The following UNC5A variants were observed in gnomAD, a reference collection of about 807,000 sequenced individuals.
The protein encoded by UNC5A is unc-5 netrin receptor A, also known as netrin receptor UNC5A.
A neutral mutation model predicts 87.4 loss-of-function variants in UNC5A; 20 were observed. The observed-to-expected ratio is 0.23, with a 90% confidence interval of 0.16 to 0.33. The LOEUF (loss-of-function observed/expected upper bound fraction) is 0.33, where lower values mean the gene tolerates loss of function less well. UNC5A is among the 10% of genes least tolerant of loss of function. The pLI is 1.00. For synonymous variants in UNC5A, 438 were observed against 482.3 expected (o/e 0.91, Z 1.20); for missense variants, 844 against 1,133.4 (o/e 0.74, Z 3.67).
Position 176,853,526 on chromosome 5 carries a change from T to C in UNC5A, c.71-9098T>C, listed in dbSNP as rs184455089. 9.2e-5 allele frequency among the ~76,000 whole-genome samples: 14 copies of C among 152,302 alleles called. No homozygotes were observed. In the East Asian group the frequency reaches 1.7e-3, roughly 19 times the overall value. On this transcript the variant is annotated intron_variant, in intron 1 of 14. Coordinates refer to ENST00000329542, the MANE Select transcript of UNC5A (RefSeq NM_133369.3). ...GAGCCCACTGGGGAAGAGGGTGACT[T>C]TCCTCCGATCTCGGGGAGGTGGCTG...
chr5:176,842,492 G>GAGAT lies in UNC5A; in HGVS notation c.71-20131_71-20130insGATA, dbSNP rs936609501. 9.6e-5 allele frequency among the ~76,000 whole-genome samples: 14 copies of GAGAT among 145,572 alleles called. 1 individual carries two copies. Among genetic ancestry groups the GAGAT allele is most frequent in the African/African-American group, 3.2e-4 (12 of 37,662 alleles). On this transcript the variant is annotated intron_variant, in intron 1 of 14. Coordinates refer to ENST00000329542, the MANE Select transcript of UNC5A (RefSeq NM_133369.3). ...GTCAATCAACAAATGGAGAAACTGT[G>GAGAT]ATATATATATATATATATGATGGAA... is the stretch of plus-strand genomic sequence containing the variant.
Position 176,877,713 on chromosome 5 carries a change from G to A in UNC5A, c.1635+10G>A. ...CGAGGGCAGCTGGGAGGTGAGCAGG[G>A]AACTGACCCGGGCTCCAGAAGGGAA... On this transcript the variant is annotated intron_variant, in intron 10 of 14. Transcript: ENST00000329542. The A allele has an allele frequency of 6.3e-7, 1 of 1,584,550 alleles. No individual in the cohort carries two copies. The highest frequency in any genetic ancestry group is 1.7e-5 in the Admixed American group (1 of 58,008).
intron 1 of UNC5A, among the ~76,000 whole-genome samples, chr5:176,819,776 T>C (rs1756683709): frequency 6.6e-6 from 1 of 152,338 alleles, no homozygotes; most frequent in Middle Eastern, 3.4e-3. Context: ...CATTGTCCTG[T>C]TGTTACCCAG....
intron 1 of UNC5A, among the ~76,000 whole-genome samples, chr5:176,858,166 G>A (rs1019991331): frequency 2.0e-5 from 3 of 152,242 alleles, no homozygotes; most frequent in African/African-American, 7.2e-5. Flanking sequence ...TGCACAGTCT[G>A]GGGGTGGGGA....
At position 176,866,915 on chromosome 5, in the gene UNC5A, C is replaced by T. The variant is rs917814282; in HGVS notation, c.293-1215C>T. 4.6e-5 allele frequency among the ~76,000 whole-genome samples: 7 copies of T among 152,068 alleles called. No homozygotes were observed. The highest frequency in any genetic ancestry group is 1.4e-4 in the African/African-American group (6 of 41,382). ...TCTGCCATCTCCTATGATAGCTGGC[C>T]GGCGACAGGGACAAAGTGATAGAAA... is the stretch of plus-strand genomic sequence containing the variant. On this transcript the variant is annotated intron_variant, in intron 2 of 14. Coordinates refer to ENST00000329542, the MANE Select transcript of UNC5A (RefSeq NM_133369.3). This position sits in a 1 kb window ranked among gnomAD's most constrained non-coding sequence, Gnocchi z 5.0.
At chr5:176,825,349 A>G (rs1561641082) in intron 1 of UNC5A, among the ~76,000 whole-genome samples, 1 of 151,990 alleles carries the variant, frequency 6.6e-6, no homozygotes. Context: ...TTTGAGCAGG[A>G]GGGGAGGCAG....
chr5:176,850,191 T>C (rs1435198974), intron 1 of UNC5A, among the ~76,000 whole-genome samples: 2 of 152,100 alleles, frequency 1.3e-5, no homozygotes, highest in Non-Finnish European at 2.9e-5. Flanking sequence ...GTAGGTGGGG[T>C]GCCCTGCAGG....
chr5:176,837,782 T>C (rs769280895), intron 1 of UNC5A, among the ~76,000 whole-genome samples: 30 of 151,668 alleles, frequency 2.0e-4, no homozygotes, highest in Non-Finnish European at 3.4e-4. Context: ...TTCAGCACCG[T>C]GGACAGCCCC....
intron 1 of UNC5A, among the ~76,000 whole-genome samples, chr5:176,830,635 C>T (rs11747931): frequency 0.85 from 102,970 of 121,718 alleles, 44,697 homozygotes; most frequent in Non-Finnish European, 0.95. Flanking sequence ...TGTGTGTGTG[C>T]GCTGGCGTGT....
At chr5:176,834,830 G>C (rs1486586170) in intron 1 of UNC5A, among the ~76,000 whole-genome samples, 1 of 152,108 alleles carries the variant, frequency 6.6e-6, no homozygotes, top group Non-Finnish European at 1.5e-5. Flanking sequence ...GGTGCTAGGA[G>C]ATGGTGTCCC....
chr5:176,872,616 C>T (rs1270663991), intron 6 of UNC5A, among the ~76,000 whole-genome samples: 1 of 142,766 alleles, frequency 7.0e-6, no homozygotes, highest in Non-Finnish European at 1.5e-5. Context: ...TCTGTCCACG[C>T]TCACCAACAC....
intron 1 of UNC5A, among the ~76,000 whole-genome samples, chr5:176,851,685 G>A (rs1757547319): frequency 2.6e-5 from 4 of 152,212 alleles, no homozygotes; most frequent in Admixed American, 2.6e-4. Context: ...AGAGGGGAGG[G>A]GAGCATGGGG....
At chr5:176,819,506 A>G (rs569079086) in intron 1 of UNC5A, among the ~76,000 whole-genome samples, 1 of 152,214 alleles carries the variant, frequency 6.6e-6, no homozygotes, top group South Asian at 2.1e-4. Context: ...GCTCTTGGGG[A>G]TTCGGCACCA....
chr5:176,848,617 G>T lies in UNC5A; in HGVS notation c.71-14007G>T, dbSNP rs1272764605. 6.6e-6 allele frequency among the ~76,000 whole-genome samples: 1 copy of T among 152,168 alleles called. No individual in the cohort carries two copies. The highest frequency in any genetic ancestry group is 1.5e-5 in the Non-Finnish European group (1 of 68,036). Reference sequence around the variant, plus strand: ...CCAGACACCCTATTCCCAGATGGAAGGTGGCAGCAGGGCCCAGGCTCCTTC... The same window carrying T: ...CCAGACACCCTATTCCCAGATGGAATGTGGCAGCAGGGCCCAGGCTCCTTC... On this transcript the variant is annotated intron_variant, in intron 1 of 14. Transcript: ENST00000329542. The surrounding 1 kb of genome is among the most constrained non-coding windows in gnomAD (Gnocchi z 5.8).
intron 1 of UNC5A, among the ~76,000 whole-genome samples, chr5:176,832,206 C>A (rs1366183968): frequency 1.3e-5 from 2 of 152,162 alleles, no homozygotes; most frequent in African/African-American, 2.4e-5. Context: ...CTCACACTTT[C>A]TCACTGAAGC....
At chr5:176,864,924 C>A in intron 2 of UNC5A, 1 of 436,964 alleles carries the variant, frequency 2.3e-6, no homozygotes, top group Non-Finnish European at 4.6e-6. Context: ...CAGAGGCCTC[C>A]CTGCCCAGCA....
intron 1 of UNC5A, among the ~76,000 whole-genome samples, chr5:176,815,640 TC>T: frequency 6.6e-6 from 1 of 152,230 alleles, no homozygotes; most frequent in East Asian, 1.9e-4. Context: ...TCCTCTGTGT[TC>T]CTTCGCATTT....
At chr5:176,876,490 C>T (rs1464125457) in intron 8 of UNC5A, among the ~76,000 whole-genome samples, 1 of 152,204 alleles carries the variant, frequency 6.6e-6, no homozygotes, top group African/African-American at 2.4e-5. Context: ...GAGGGACTCC[C>T]TGGCCCCCGT....
At chr5:176,822,948 G>A (rs966820186) in intron 1 of UNC5A, among the ~76,000 whole-genome samples, 8 of 152,178 alleles carry the variant, frequency 5.3e-5, no homozygotes, top group African/African-American at 1.7e-4. Context: ...GGGAGTGACA[G>A]GCAGTGAGCA....
Sources: allele counts gnomAD v4.1 joint callset (sites outside exome capture counted in the v4.1 genomes callset), GRCh38; gene constraint gnomAD v4.1.1; non-coding constraint Gnocchi (gnomAD v3.1); transcripts MANE v1.5; gene names NCBI Gene and HGNC (gene_info 2026-07-23, HGNC 2026-07-21).